Variants in RIMS2 observed in about 807,000 individuals in gnomAD.
RIMS2 encodes regulating synaptic membrane exocytosis 2.
A neutral mutation model predicts 174.4 loss-of-function variants in RIMS2; 59 were observed. The observed-to-expected ratio is 0.34, with a 90% CI of 0.27 to 0.42. The LOEUF (loss-of-function observed/expected upper bound fraction) is 0.42. Ranked by LOEUF, RIMS2 falls within the 10% of genes least tolerant of loss-of-function variation. The probability of loss-of-function intolerance (pLI) is 1.00; values close to 1 mark genes in which losing one functional copy is unlikely to be tolerated. For missense variants in RIMS2, 1,620 were observed against 1,666.3 expected (o/e 0.97, Z 0.48); for synonymous variants, 606 against 572.5 (o/e 1.06, Z -0.84).
intron 17 of RIMS2, among the ~76,000 whole-genome samples, chr8:103,994,009 C>T (rs1428816705): frequency 6.8e-6 from 1 of 146,696 alleles, no homozygotes; most frequent in Non-Finnish European, 1.5e-5. Context: ...TGAGATCGCA[C>T]CACTGCAGTC....
In RIMS2 at chr8:103,784,210, T is replaced by C. The variant is rs1430089590; in HGVS notation, c.698+17673T>C. ...TAGGTTGAGAAAATTTTCTCCCATT[T>C]TGTAGGTTGCCTGTTCACTCTGATG... is the stretch of plus-strand genomic sequence containing the variant. On this transcript the variant is annotated intron_variant, in intron 3 of 23. Coordinates refer to ENST00000504942, the Ensembl canonical transcript of RIMS2. 1.3e-3 allele frequency among the ~76,000 whole-genome samples: 198 copies of C among 149,902 alleles called. 1 individual carries two copies. The highest frequency in any genetic ancestry group is 4.6e-3 in the African/African-American group (190 of 40,898).
intron 19 of RIMS2, among the ~76,000 whole-genome samples, chr8:104,056,419 G>C (rs1039403398): frequency 2.6e-5 from 4 of 151,144 alleles, no homozygotes; most frequent in Non-Finnish European, 5.9e-5. Context: ...AAAAAAAGGA[G>C]TTTTGTAGCA....
intron 19 of RIMS2, among the ~76,000 whole-genome samples, chr8:104,244,090 T>C (rs1013846602): frequency 2.0e-5 from 3 of 152,184 alleles, no homozygotes; most frequent in Non-Finnish European, 4.4e-5. Context: ...ACAGCCTCTA[T>C]GACATACTTC....
chr8:103,964,102 T>C (rs573137561), intron 15 of RIMS2, among the ~76,000 whole-genome samples: 96 of 152,252 alleles, frequency 6.3e-4, no homozygotes, highest in Non-Finnish European at 1.1e-3. Context: ...GCTTCTGAGT[T>C]TTGGCAATTA....
At chr8:104,204,873 G>A (rs2441909) in intron 19 of RIMS2, among the ~76,000 whole-genome samples, 1 of 152,024 alleles carries the variant, frequency 6.6e-6, no homozygotes, top group African/African-American at 2.4e-5. Context: ...ACCAGTTAAG[G>A]CTATTGTTTG....
chr8:103,591,318 T>G (rs180698674), intron 1 of RIMS2, among the ~76,000 whole-genome samples: 3 of 151,290 alleles, frequency 2.0e-5, no homozygotes, highest in Admixed American at 2.0e-4. Flanking sequence ...ATGAATTTAC[T>G]ATCTCATCTG....
intron 1 of RIMS2, among the ~76,000 whole-genome samples, chr8:103,515,860 T>C (rs956772146): frequency 3.3e-5 from 5 of 152,096 alleles, no homozygotes; most frequent in African/African-American, 1.2e-4. Context: ...AATATCTTTT[T>C]AGTTTTTCCT....
chr8:103,818,869 A>G (rs983133851), intron 3 of RIMS2, among the ~76,000 whole-genome samples: 5 of 152,184 alleles, frequency 3.3e-5, no homozygotes, highest in African/African-American at 1.2e-4. Flanking sequence ...CAGATGATAA[A>G]TGCTCTATTG....
At chr8:103,943,748 A>T (rs1565451706) in intron 14 of RIMS2, among the ~76,000 whole-genome samples, 1 of 152,166 alleles carries the variant, frequency 6.6e-6, no homozygotes, top group South Asian at 2.1e-4. Flanking sequence ...AGGTGTATGC[A>T]TACTGTTTTG....
intron 3 of RIMS2, among the ~76,000 whole-genome samples, chr8:103,874,971 T>C (rs1382947087): frequency 6.6e-6 from 1 of 152,028 alleles, no homozygotes; most frequent in Admixed American, 6.6e-5. Flanking sequence ...TGTTTGTTTG[T>C]TTGTTTCTTT....
chr8:103,774,598 A>T (rs768992486), intron 3 of RIMS2, among the ~76,000 whole-genome samples: 21 of 152,342 alleles, frequency 1.4e-4, no homozygotes, highest in Non-Finnish European at 2.8e-4. Context: ...AGTACATAAG[A>T]TATAATTCAA....
intron 19 of RIMS2, among the ~76,000 whole-genome samples, chr8:104,100,734 T>C (rs1158179158): frequency 6.7e-6 from 1 of 148,284 alleles, no homozygotes; most frequent in Non-Finnish European, 1.5e-5. Flanking sequence ...TTCTTTTTTA[T>C]CTAGTCTGTT....
At chr8:103,531,002 A>T (rs1836795305) in intron 1 of RIMS2, among the ~76,000 whole-genome samples, 1 of 150,910 alleles carries the variant, frequency 6.6e-6, no homozygotes, top group Admixed American at 6.6e-5. Flanking sequence ...AAATGGGCAG[A>T]ATTTAAAGGT....
At chr8:103,634,035 T>C (rs555560019) in intron 1 of RIMS2, among the ~76,000 whole-genome samples, 3 of 152,202 alleles carry the variant, frequency 2.0e-5, no homozygotes, top group Non-Finnish European at 2.9e-5. Flanking sequence ...AGCTCCGATT[T>C]TTGTTATTTC....
intron 1 of RIMS2, among the ~76,000 whole-genome samples, chr8:103,665,126 G>T (rs1426528484): frequency 6.6e-6 from 1 of 152,200 alleles, no homozygotes; most frequent in Non-Finnish European, 1.5e-5. Context: ...GGGCCTGTCT[G>T]GGCATGGGAG....
chr8:103,772,597 AT>A (rs2098266478), intron 3 of RIMS2, among the ~76,000 whole-genome samples: 1 of 152,158 alleles, frequency 6.6e-6, no homozygotes, highest in Admixed American at 6.5e-5. Flanking sequence ...CCCCAATTTG[AT>A]TTATATATAC....
At chr8:104,216,063 C>A (rs1380737619) in intron 19 of RIMS2, among the ~76,000 whole-genome samples, 1 of 152,158 alleles carries the variant, frequency 6.6e-6, no homozygotes, top group Admixed American at 6.5e-5. Flanking sequence ...AATTGCAAAT[C>A]TCATGAATAT....
At chr8:103,702,808 C>T (rs2097180749) in intron 2 of RIMS2, among the ~76,000 whole-genome samples, 1 of 143,358 alleles carries the variant, frequency 7.0e-6, no homozygotes, top group Non-Finnish European at 1.5e-5. Flanking sequence ...GTTACTCTAG[C>T]TTTATAGCAT....
chr8:104,021,620 G>A (rs1481929311), intron 19 of RIMS2, among the ~76,000 whole-genome samples: 1 of 152,150 alleles, frequency 6.6e-6, no homozygotes, highest in Non-Finnish European at 1.5e-5. Flanking sequence ...ACTAACTGAG[G>A]AAGTATTATC....
Sources: allele counts gnomAD v4.1 joint callset (sites outside exome capture counted in the v4.1 genomes callset), GRCh38; gene constraint gnomAD v4.1.1; transcripts MANE v1.5; gene names NCBI Gene and HGNC (gene_info 2026-07-23, HGNC 2026-07-21).